Variants in TRHDE observed in about 807,000 individuals in gnomAD.
TRHDE encodes the protein thyrotropin-releasing hormone-degrading ectoenzyme.
TRHDE carries 72 observed loss-of-function variants against 125.7 expected under a neutral mutation model. The ratio of observed to expected loss-of-function variants is 0.57; its 90% CI spans 0.47 to 0.70. The LOEUF (loss-of-function observed/expected upper bound fraction) is 0.70, where lower values mean the gene tolerates loss of function less well. Among genes scored for constraint, TRHDE ranks in the 30% least tolerant of loss-of-function variants. TRHDE has a pLI of 0.00. For missense variants in TRHDE, 1,110 were observed against 1,327.1 expected, an observed-to-expected ratio of 0.84 and a Z score of 2.54; for synonymous variants, 509 against 509.1, an observed-to-expected ratio of 1.00 and a Z score of 0.00.
At chr12:72,213,897 T>G (rs1408860532) in intron 2 of TRHDE, among the ~76,000 whole-genome samples, 4 of 152,160 alleles carry the variant, frequency 2.6e-5, no homozygotes, top group African/African-American at 9.7e-5. Flanking sequence ...TTAGATCTCC[T>G]TAACTTCCAT....
chr12:72,637,919 TC>T (rs1174577362), intron 15 of TRHDE, among the ~76,000 whole-genome samples: 7 of 152,154 alleles, frequency 4.6e-5, no homozygotes, highest in African/African-American at 1.7e-4. Flanking sequence ...GAGCTTTACT[TC>T]CAAGTATGTG....
chr12:72,628,869 CCTT>C (rs1383025073), intron 15 of TRHDE, among the ~76,000 whole-genome samples: 1 of 151,722 alleles, frequency 6.6e-6, no homozygotes, highest in African/African-American at 2.4e-5. Context: ...AACTTTTTAT[CCTT>C]CTTTTCAACT....
upstream of TRHDE, among the ~76,000 whole-genome samples, chr12:72,271,101 G>GTGTTACATTGAATGTTACACTGAATGTT (rs1879190641): frequency 6.6e-6 from 1 of 152,192 alleles, no homozygotes; most frequent in Non-Finnish European, 1.5e-5. Context: ...TTACACTGTA[G>GTGTTACATTGAATGTTACACTGAATGTT]ACATTGTGTG....
At chr12:72,270,209 A>C (rs1879164922), upstream of TRHDE, among the ~76,000 whole-genome samples, 1 of 152,188 alleles carries the variant, frequency 6.6e-6, no homozygotes, top group East Asian at 1.9e-4. Context: ...GACATTTAAA[A>C]ACAGAGCAGA....
chr12:72,546,458 ATTC>A (rs1442032832), intron 7 of TRHDE, among the ~76,000 whole-genome samples: 1 of 151,594 alleles, frequency 6.6e-6, no homozygotes, highest in African/African-American at 2.4e-5. Context: ...CCCAGTGCTT[ATTC>A]TTCAGTTTAG....
intron 8 of TRHDE, 74 bp downstream of exon 8, chr12:72,562,304 C>T: frequency 1.4e-6 from 1 of 719,492 alleles, no homozygotes; most frequent in South Asian, 2.0e-5. Flanking sequence ...CATTCATAGC[C>T]TTTATTGACA....
intron 15 of TRHDE, among the ~76,000 whole-genome samples, chr12:72,634,852 T>C (rs1207854396): frequency 1.3e-4 from 20 of 152,034 alleles, no homozygotes; most frequent in East Asian, 9.7e-4. Flanking sequence ...TATGGCTGCA[T>C]AGTATTCCAT....
intron 3 of TRHDE, among the ~76,000 whole-genome samples, chr12:72,392,785 C>T (rs1377084458): frequency 1.3e-5 from 2 of 152,108 alleles, no homozygotes; most frequent in Non-Finnish European, 2.9e-5. Flanking sequence ...CTGAAAGGCA[C>T]TTATTCAAGA....
chr12:72,167,075 C>T (rs543331617), intron 2 of TRHDE, among the ~76,000 whole-genome samples: 1 of 152,118 alleles, frequency 6.6e-6, no homozygotes, highest in Admixed American at 6.5e-5. Context: ...GGCATGTGTC[C>T]TTTATGATTA....
intron 2 of TRHDE, among the ~76,000 whole-genome samples, chr12:72,304,293 T>G (rs1868306607): frequency 6.6e-6 from 1 of 152,170 alleles, no homozygotes; most frequent in East Asian, 1.9e-4. Context: ...TATTTTGAAT[T>G]TAATATCTAC....
intron 15 of TRHDE, among the ~76,000 whole-genome samples, chr12:72,650,637 T>C (rs796427876): frequency 8.5e-5 from 13 of 152,208 alleles, no homozygotes; most frequent in African/African-American, 3.1e-4. Context: ...TCATGCTTAA[T>C]ATTAAGGAAA....
chr12:72,657,386 T>G (rs1874748240), intron 18 of TRHDE, among the ~76,000 whole-genome samples: 1 of 152,120 alleles, frequency 6.6e-6, no homozygotes, highest in Non-Finnish European at 1.5e-5. Context: ...AGGTTGGTGT[T>G]GAGATATAGA....
chr12:72,179,620 T>A (rs558735486), intron 2 of TRHDE, among the ~76,000 whole-genome samples: 1 of 152,254 alleles, frequency 6.6e-6, no homozygotes, highest in East Asian at 1.9e-4. Flanking sequence ...CTCAGTGAGA[T>A]ACCTTCTCTT....
chr12:72,258,611 C>T (rs921452742), intron 2 of TRHDE, among the ~76,000 whole-genome samples: 5 of 152,102 alleles, frequency 3.3e-5, no homozygotes, highest in African/African-American at 1.2e-4. Context: ...GTATGGTGGA[C>T]TCCTGAATAT....
rs143967590 is a variant in TRHDE, at chr12:72,627,778, C to A, written c.2675+6027C>A. ...TACTTCACCCTCAAACTCCTAGGCT[C>A]AAGTAACACTCCCACTTCAGCATCC... On this transcript the variant is annotated intron_variant, in intron 15 of 18. Coordinates refer to ENST00000261180, the MANE Select transcript of TRHDE (RefSeq NM_013381.3). Among the ~76,000 whole-genome samples the A allele has an allele frequency of 3.0e-4, 46 of 151,716 alleles. No homozygotes were observed. The East Asian group carries it at 7.2e-3, about 24-fold the overall frequency.
chr12:72,210,451 T>C lies in TRHDE; in HGVS notation n.279+104699T>C, dbSNP rs374412615. ...GAAAGGTTAGGAAAGGAGAGAAAAC[T>C]AATAAAGGACAGAAAGATCAGGATA... is the stretch of plus-strand genomic sequence containing the variant. On this transcript the variant is annotated intron_variant and non_coding_transcript_variant, in intron 2 of 4. Coordinates refer to the TRHDE transcript ENST00000548156. Among the ~76,000 whole-genome samples the C allele has an allele frequency of 5.3e-5, 8 of 152,198 alleles. No homozygotes were observed. The East Asian group carries it at 1.5e-3, about 29-fold the overall frequency.
chr12:72,401,152 G>A (rs1873027175), intron 3 of TRHDE, among the ~76,000 whole-genome samples: 1 of 152,046 alleles, frequency 6.6e-6, no homozygotes, highest in South Asian at 2.1e-4. Context: ...GTGATATTTG[G>A]CTTTTGGTGG....
intron 3 of TRHDE, among the ~76,000 whole-genome samples, chr12:72,387,301 C>T (rs79318480): frequency 2.4e-3 from 365 of 152,306 alleles, no homozygotes; most frequent in African/African-American, 3.2e-3. Context: ...TGGCTCCACA[C>T]TCTAAATGTA....
chr12:72,243,588 A>G (rs1008084362), intron 2 of TRHDE, among the ~76,000 whole-genome samples: 13 of 152,202 alleles, frequency 8.5e-5, no homozygotes, highest in African/African-American at 3.1e-4. Context: ...AATAAATTTC[A>G]CTTGTTTCCT....
Sources: gnomAD v4.1 joint callset for allele counts (sites outside exome capture counted in the v4.1 genomes callset) on GRCh38, gnomAD v4.1.1 for gene constraint, MANE v1.5 for transcripts, NCBI Gene and HGNC (gene_info 2026-07-23, HGNC 2026-07-21) for gene names.